Variants in ZNF529 observed in about 807,000 individuals in gnomAD.
The protein encoded by ZNF529 is zinc finger protein 529.
In ZNF529, 11 loss-of-function variants were observed where a neutral mutation model predicts 10.1. The ratio of observed to expected loss-of-function variants is 1.09; its 90% CI spans 0.69 to 1.81. The LOEUF (loss-of-function observed/expected upper bound fraction) is 1.81, where lower values mean the gene tolerates loss of function less well. Ranked by LOEUF, ZNF529 falls within the 40% of genes most tolerant of loss-of-function variation. ZNF529 has a pLI of 0.00. For missense variants in ZNF529, 624 were observed against 666.8 expected (o/e 0.94, Z 0.71); for synonymous variants, 204 against 215.7 (o/e 0.95, Z 0.47).
chr19:36,574,925 G>A (rs768616702), upstream of ZNF529: 2 of 470,854 alleles, frequency 4.2e-6, no homozygotes, highest in South Asian at 3.1e-5. Flanking sequence ...AACTTTCCAA[G>A]AAGCTGATAA....
intron 1 of ZNF529, among the ~76,000 whole-genome samples, chr19:36,601,693 T>G (rs2145297096): frequency 1.3e-5 from 2 of 152,228 alleles, no homozygotes; most frequent in Non-Finnish European, 2.9e-5. Context: ...TTGAAATTGG[T>G]ACTATTATTA....
At position 36,546,406 on chromosome 19, in the gene ZNF529, C is replaced by CAAG. The variant is rs59616372; in HGVS notation, c.*459_*460insCTT. On this transcript the variant is annotated 3_prime_UTR_variant, in exon 5 of 5. Coordinates refer to ENST00000591340, the MANE Select transcript of ZNF529 (RefSeq NM_020951.5). ...TTCTATCATTTAAAACAAAACAAAA[C>CAAG]AACATTACACAAAATGATGAGCTGT... The CAAG allele has an allele frequency of 0.6, 90,548 of 151,874 alleles. 27,533 individuals are homozygous for CAAG. Among genetic ancestry groups the CAAG allele is most frequent in the African/African-American group, 0.73 (30,331 of 41,380 alleles). 9.4% of individuals were successfully genotyped at this position (151,874 alleles called of 1,614,324 possible). A position where few individuals can be genotyped will look rare whatever the true frequency, so the allele number is the denominator to read the frequency against.
intron 1 of ZNF529, among the ~76,000 whole-genome samples, chr19:36,599,913 G>A (rs887750003): frequency 1.3e-5 from 2 of 151,408 alleles, no homozygotes; most frequent in Non-Finnish European, 2.9e-5. Context: ...CTGTTGCCCA[G>A]GCTGGAATGT....
At chr19:36,577,105 A>G (rs1341820203), upstream of ZNF529, 8 of 445,918 alleles carry the variant, frequency 1.8e-5, no homozygotes, top group Admixed American at 4.8e-5. Context: ...GGCACCCACT[A>G]CTATACCTGG....
upstream of ZNF529, among the ~76,000 whole-genome samples, chr19:36,574,511 C>T (rs1234227979): frequency 6.6e-6 from 1 of 151,936 alleles, no homozygotes; most frequent in East Asian, 1.9e-4. Context: ...AATGCCCTGG[C>T]CAAGAGGAGG....
chr19:36,547,356 T>G lies in ZNF529; in HGVS notation c.1202A>C (p.Lys401Thr). The G allele has an allele frequency of 6.2e-7, 1 of 1,613,972 alleles. No homozygotes were observed. The highest frequency in any genetic ancestry group is 8.5e-7 in the Non-Finnish European group (1 of 1,179,966). The change falls in exon 5 of 5, where the codon AAG (lysine) becomes ACG (threonine). Residue 401 changes from lysine to threonine, a missense_variant. Coordinates refer to ENST00000591340, the MANE Select transcript of ZNF529 (RefSeq NM_020951.5). ...KKPYECKACG[K>T]VFRNSSSLTR... ...CAGGGATGAACTATTTCTAAAGACC[T>G]TTCCACATGCTTTGCATTCATAGGG...
At chr19:36,582,305 ATGTTACATGTATACTT>A (rs961750353) in intron 2 of ZNF529, 3 of 152,194 alleles carry the variant, frequency 2.0e-5, no homozygotes, top group Admixed American at 6.5e-5. Context: ...GGTAAATTTT[ATGTTACATGTATACTT>A]TGCCACCATT....
At chr19:36,599,304 C>G (rs2036888088) in intron 1 of ZNF529, among the ~76,000 whole-genome samples, 1 of 152,144 alleles carries the variant, frequency 6.6e-6, no homozygotes, top group Admixed American at 6.5e-5. Context: ...ACTTAGCTGC[C>G]TACCTGTTCT....
At chr19:36,558,586 C>A (rs566341391) in intron 2 of ZNF529, among the ~76,000 whole-genome samples, 1 of 152,012 alleles carries the variant, frequency 6.6e-6, no homozygotes, top group Non-Finnish European at 1.5e-5. Flanking sequence ...TCCATCAACA[C>A]ATAAAAAAAT....
intron 1 of ZNF529, among the ~76,000 whole-genome samples, chr19:36,591,489 G>A (rs1244125334): frequency 1.3e-5 from 2 of 151,850 alleles, no homozygotes; most frequent in African/African-American, 2.4e-5. Context: ...GGAGGCCGAG[G>A]CGGGCGGATC....
chr19:36,597,965 G>C (rs989866479), intron 1 of ZNF529, among the ~76,000 whole-genome samples: 7 of 152,248 alleles, frequency 4.6e-5, no homozygotes, highest in African/African-American at 1.7e-4. Context: ...ATTTGAGCAG[G>C]CTGCAATCTG....
At chr19:36,601,399 C>T (rs1046866569) in intron 1 of ZNF529, among the ~76,000 whole-genome samples, 15 of 151,904 alleles carry the variant, frequency 9.9e-5, no homozygotes, top group Non-Finnish European at 2.1e-4. Flanking sequence ...TCACTGCGCC[C>T]GGCCACAAGT....
intron 2 of ZNF529, among the ~76,000 whole-genome samples, chr19:36,560,717 T>G (rs966574364): frequency 1.3e-5 from 2 of 152,162 alleles, no homozygotes; most frequent in Non-Finnish European, 2.9e-5. Flanking sequence ...AAGAGTTATA[T>G]AGGAGTAAAT....
intron 1 of ZNF529, among the ~76,000 whole-genome samples, chr19:36,599,012 G>T (rs952340621): frequency 6.6e-6 from 1 of 152,092 alleles, no homozygotes; most frequent in Non-Finnish European, 1.5e-5. Context: ...GAAGTCATTC[G>T]GCTTATAAAC....
At chr19:36,582,112 TTGTAG>T (rs2036476325) in intron 2 of ZNF529, 4 of 152,134 alleles carry the variant, frequency 2.6e-5, no homozygotes, top group Admixed American at 2.0e-4. Context: ...CTATTAACGC[TTGTAG>T]TGAGAGTTTG....
intron 1 of ZNF529, chr19:36,594,328 T>G (rs1435697676): frequency 6.6e-6 from 1 of 152,162 alleles, no homozygotes; most frequent in Non-Finnish European, 1.5e-5. Context: ...TCTCTTGAAA[T>G]TGGGTAGGCC....
intron 4 of ZNF529, among the ~76,000 whole-genome samples, chr19:36,551,075 G>A (rs2035239930): frequency 1.3e-5 from 2 of 152,192 alleles, no homozygotes; most frequent in South Asian, 4.1e-4. Flanking sequence ...GGAGGTATGA[G>A]ATGTAACCTG....
intron 1 of ZNF529, among the ~76,000 whole-genome samples, chr19:36,592,659 A>C (rs929169091): frequency 1.3e-5 from 2 of 152,098 alleles, no homozygotes; most frequent in Non-Finnish European, 2.9e-5. Flanking sequence ...AATATGTAAA[A>C]AGGTTACAAA....
chr19:36,564,335 T>A (rs2035818112), intron 2 of ZNF529, among the ~76,000 whole-genome samples: 1 of 151,856 alleles, frequency 6.6e-6, no homozygotes, highest in Non-Finnish European at 1.5e-5. Context: ...TGGGAGAAAA[T>A]ATTCACAAAC....
Sources: allele counts gnomAD v4.1 joint callset (sites outside exome capture counted in the v4.1 genomes callset), GRCh38; gene constraint gnomAD v4.1.1; transcripts MANE v1.5; gene names NCBI Gene and HGNC (gene_info 2026-07-23, HGNC 2026-07-21).